Variants in EPHB1 observed in about 807,000 individuals in gnomAD.
The protein encoded by EPHB1 is ephrin type-B receptor 1.
In EPHB1, 30 loss-of-function variants were observed where a neutral mutation model predicts 94.4. The ratio of observed to expected loss-of-function variants is 0.32; its 90% CI spans 0.24 to 0.43. The LOEUF is 0.43. Among genes scored for constraint, EPHB1 ranks in the 20% least tolerant of loss-of-function variants. The pLI is 1.00. For missense variants in EPHB1, 1,055 were observed against 1,308.3 expected (o/e 0.81, Z 2.99); for synonymous variants, 522 against 489.1 (o/e 1.07, Z -0.89).
intron 3 of EPHB1, among the ~76,000 whole-genome samples, chr3:134,969,155 C>A (rs1426063321): frequency 6.6e-6 from 1 of 152,168 alleles, no homozygotes; most frequent in Non-Finnish European, 1.5e-5. Context: ...AGTTGTTCTG[C>A]CTTTTTGGCA....
chr3:135,249,306 G>A (rs756318113), intron 14 of EPHB1, 30 bp from the exon 15 acceptor site: 2 of 1,593,696 alleles, frequency 1.3e-6, no homozygotes, highest in South Asian at 2.3e-5. Context: ...TCTGCAATGT[G>A]TGGTCACCTG....
At position 135,106,905 on chromosome 3, in the gene EPHB1, C is replaced by A. The variant is rs868716325; in HGVS notation, c.961+302C>A. On this transcript the variant is annotated intron_variant, in intron 4 of 15. Transcript: ENST00000398015. ...GTCAGACTGGAGAGTTCTTTGGATGCAAAATCATGATCTATTATCACTTCC... is the reference window on the plus strand; with the variant it reads ...GTCAGACTGGAGAGTTCTTTGGATGAAAAATCATGATCTATTATCACTTCC... 7.9e-5 allele frequency among the ~76,000 whole-genome samples: 12 copies of A among 152,268 alleles called. No homozygotes were observed. The Middle Eastern group carries it at 0.01, about 129-fold the overall frequency.
At chr3:135,177,621 G>A (rs1282746961) in intron 9 of EPHB1, among the ~76,000 whole-genome samples, 6 of 152,270 alleles carry the variant, frequency 3.9e-5, no homozygotes, top group South Asian at 2.1e-4. Context: ...TTGAGAATGC[G>A]CCTCTTATAG....
At chr3:134,843,913 T>C (rs543636682) in intron 1 of EPHB1, among the ~76,000 whole-genome samples, 3 of 152,230 alleles carry the variant, frequency 2.0e-5, no homozygotes, top group East Asian at 3.9e-4. Context: ...TTCTATTGAT[T>C]GCTTTCTTTC....
At chr3:135,094,601 C>T (rs918156723) in intron 3 of EPHB1, among the ~76,000 whole-genome samples, 17 of 152,334 alleles carry the variant, frequency 1.1e-4, no homozygotes, top group African/African-American at 3.1e-4. Flanking sequence ...GAAAGGCAAG[C>T]ACCTTCTCCA....
chr3:135,169,517 G>A (rs1050045942), intron 9 of EPHB1, among the ~76,000 whole-genome samples: 8 of 152,288 alleles, frequency 5.3e-5, no homozygotes, highest in South Asian at 4.2e-4. Context: ...GCATTTGTGC[G>A]TTTACTCCTG....
chr3:134,942,679 G>A (rs917494495), intron 2 of EPHB1, among the ~76,000 whole-genome samples: 5 of 152,192 alleles, frequency 3.3e-5, no homozygotes, highest in Non-Finnish European at 5.9e-5. Flanking sequence ...CATGGTGGTC[G>A]AAGCCTTGTA....
At chr3:135,128,809 G>A (rs1940309460) in intron 4 of EPHB1, among the ~76,000 whole-genome samples, 1 of 152,144 alleles carries the variant, frequency 6.6e-6, no homozygotes, top group African/African-American at 2.4e-5. Context: ...GTAAATGAGT[G>A]AATGAGTAAA....
chr3:134,830,974 A>G (rs1344000051), intron 1 of EPHB1, among the ~76,000 whole-genome samples: 2 of 152,168 alleles, frequency 1.3e-5, no homozygotes, highest in Non-Finnish European at 2.9e-5. Context: ...CCTACCCTCC[A>G]TCAGCTTTCT....
intron 1 of EPHB1, among the ~76,000 whole-genome samples, chr3:134,827,030 C>T (rs1475961468): frequency 6.6e-6 from 1 of 152,218 alleles, no homozygotes; most frequent in African/African-American, 2.4e-5. Context: ...AATAATTTTC[C>T]CTCCAGTGAG....
chr3:134,997,530 G>T (rs1375781443), intron 3 of EPHB1, among the ~76,000 whole-genome samples: 1 of 151,948 alleles, frequency 6.6e-6, no homozygotes, highest in African/African-American at 2.4e-5. Flanking sequence ...TTCACCTTCT[G>T]CCCAATTGTT....
intron 1 of EPHB1, among the ~76,000 whole-genome samples, chr3:134,821,873 T>C (rs1474213083): frequency 6.6e-6 from 1 of 152,018 alleles, no homozygotes; most frequent in Non-Finnish European, 1.5e-5. Context: ...CTGGGTTTGG[T>C]CTAGTTGTGG....
intron 3 of EPHB1, among the ~76,000 whole-genome samples, chr3:135,052,973 G>GTA (rs1206438512): frequency 9.2e-6 from 1 of 108,496 alleles, no homozygotes; most frequent in African/African-American, 3.9e-5. Context: ...ATATATATGT[G>GTA]TATATATATG....
chr3:135,086,414 A>G (rs1938364885), intron 3 of EPHB1, among the ~76,000 whole-genome samples: 1 of 151,738 alleles, frequency 6.6e-6, no homozygotes, highest in Non-Finnish European at 1.5e-5. Context: ...GCCCCACTTC[A>G]AGACTTCCCA....
At chr3:135,136,158 A>G (rs1940612215) in intron 5 of EPHB1, among the ~76,000 whole-genome samples, 2 of 152,190 alleles carry the variant, frequency 1.3e-5, no homozygotes, top group African/African-American at 4.8e-5. Context: ...CATAGTCTCC[A>G]ACAATAGGCT....
intron 1 of EPHB1, among the ~76,000 whole-genome samples, chr3:134,887,815 A>G (rs980812383): frequency 1.3e-5 from 2 of 152,270 alleles, no homozygotes; most frequent in Admixed American, 1.3e-4. Flanking sequence ...TAGAGTAATC[A>G]TCAAACAGCT....
chr3:134,914,746 G>A (rs2038530116), intron 1 of EPHB1, among the ~76,000 whole-genome samples: 1 of 152,166 alleles, frequency 6.6e-6, no homozygotes, highest in African/African-American at 2.4e-5. Flanking sequence ...CAACAAGAAT[G>A]ACAAAGCACT....
At chr3:134,906,877 C>T (rs2038343807) in intron 1 of EPHB1, among the ~76,000 whole-genome samples, 1 of 152,182 alleles carries the variant, frequency 6.6e-6, no homozygotes, top group South Asian at 2.1e-4. Context: ...CACCATTCAA[C>T]TGATGGTGTT....
At chr3:134,860,310 G>A (rs1560268914) in intron 1 of EPHB1, among the ~76,000 whole-genome samples, 1 of 152,084 alleles carries the variant, frequency 6.6e-6, no homozygotes, top group Non-Finnish European at 1.5e-5. Flanking sequence ...TGGTTTTCGT[G>A]TTCTCTGGCA....
Sources: gnomAD v4.1 joint callset for allele counts (sites outside exome capture counted in the v4.1 genomes callset) on GRCh38, gnomAD v4.1.1 for gene constraint, MANE v1.5 for transcripts, NCBI Gene and HGNC (gene_info 2026-07-23, HGNC 2026-07-21) for gene names.